The following TFAP2E variants were observed in gnomAD, a reference collection of about 807,000 sequenced individuals.
TFAP2E encodes transcription factor AP-2-epsilon.
TFAP2E carries 30 observed loss-of-function variants against 37.9 expected under a neutral mutation model. The ratio of observed to expected loss-of-function variants is 0.79; its 90% confidence interval spans 0.59 to 1.07. TFAP2E has a LOEUF of 1.07. Among genes scored for constraint, TFAP2E ranks in the 50% least tolerant of loss-of-function variants. TFAP2E has a pLI of 0.00. For missense variants in TFAP2E, 567 were observed against 637.9 expected (o/e 0.89, Z 1.20); for synonymous variants, 318 against 295.8 (o/e 1.08, Z -0.77).
At position 35,573,975 on chromosome 1, in the gene TFAP2E, T is replaced by C; in HGVS notation, c.76T>C (p.Ser26Pro). Residue 26 changes from serine (S) to proline (P), a missense_variant, in exon 2 of 7, where the codon TCT becomes CCT. Coordinates refer to ENST00000373235, the MANE Select transcript of TFAP2E (RefSeq NM_178548.4). The surrounding 1 kb of genome is among the most constrained non-coding windows in gnomAD (Gnocchi z 5.9). ...AGCTGCCGGCGGGGCCCGCCTGTCG[T>C]CTCTGCCCCAGGCGGCCTACGGGCC... ...GAAAGGARLSSLPQAAYGPAP... is the reference protein window; with the variant it reads ...GAAAGGARLSPLPQAAYGPAP... The C allele has an allele frequency of 6.7e-7, 1 of 1,484,516 alleles. No individual in the cohort carries two copies. The highest frequency in any genetic ancestry group is 8.9e-7 in the Non-Finnish European group (1 of 1,129,480). 92.0% of individuals were successfully genotyped at this position (1,484,516 alleles called of 1,614,324 possible). A position where few individuals can be genotyped will look rare whatever the true frequency, so the allele number is the denominator to read the frequency against.
At chr1:35,583,854 G>A (rs1232284631) in intron 3 of TFAP2E, among the ~76,000 whole-genome samples, 1 of 152,102 alleles carries the variant, frequency 6.6e-6, no homozygotes, top group Non-Finnish European at 1.5e-5. Flanking sequence ...CCATTTTCAA[G>A]GGAAGAAGCT....
Position 35,573,493 on chromosome 1 carries a change from G to GA in TFAP2E, c.-85_-84insA. On this transcript the variant is annotated 5_prime_UTR_variant, in exon 1 of 7. Transcript: ENST00000373235. This position sits in a 1 kb window ranked among gnomAD's most constrained non-coding sequence, Gnocchi z 5.9. Reference sequence around the variant, plus strand: ...CACCGTGACCTCCGCGGGCTGTGCCGGCTCCCGGCGCCTCTGCCCGCAGCG... The same window carrying GA: ...CACCGTGACCTCCGCGGGCTGTGCCGAGCTCCCGGCGCCTCTGCCCGCAGCG... 1.4e-6 allele frequency: 2 copies of GA among 1,394,352 alleles called. No homozygotes were observed. The highest frequency in any genetic ancestry group is 1.5e-5 in the African/African-American group (1 of 65,294). The allele number at this position is 1,394,352 out of a possible 1,614,324, so 86.4% of individuals were successfully genotyped here. A position where few individuals can be genotyped will look rare whatever the true frequency, so the allele number is the denominator to read the frequency against.
chr1:35,585,061 G>A (rs754608198), intron 3 of TFAP2E, among the ~76,000 whole-genome samples: 10 of 152,190 alleles, frequency 6.6e-5, no homozygotes, highest in Non-Finnish European at 1.2e-4. Context: ...GGATGGGGGT[G>A]AGAGGGAGCT....
At chr1:35,583,958 C>T (rs913634466) in intron 3 of TFAP2E, among the ~76,000 whole-genome samples, 2 of 152,168 alleles carry the variant, frequency 1.3e-5, no homozygotes, top group Admixed American at 1.3e-4. Flanking sequence ...TTATATCTAG[C>T]AGCACCTATG....
chr1:35,588,739 A>G lies in TFAP2E; in HGVS notation c.785+187A>G, dbSNP rs1282399483. Among the ~76,000 whole-genome samples, 1 of 152,102 alleles carries G rather than the reference A, an allele frequency of 6.6e-6. No homozygotes were observed. The highest frequency in any genetic ancestry group is 2.4e-5 in the African/African-American group (1 of 41,420). Reference sequence around the variant, plus strand: ...GGCCCAGGTCCCTGGTGGCTGCCACATGTCTGTGGGTCTGGGGTAGGGAGG... The same window carrying G: ...GGCCCAGGTCCCTGGTGGCTGCCACGTGTCTGTGGGTCTGGGGTAGGGAGG... On this transcript the variant is annotated intron_variant, in intron 4 of 6. Transcript: ENST00000373235. The surrounding 1 kb of genome is among the most constrained non-coding windows in gnomAD (Gnocchi z 5.1).
Position 35,573,766 on chromosome 1 carries a change from G to C in TFAP2E, c.28-161G>C, listed in dbSNP as rs1571094150. On this transcript the variant is annotated intron_variant, in intron 1 of 6. Coordinates refer to ENST00000373235, the MANE Select transcript of TFAP2E (RefSeq NM_178548.4). This position sits in a 1 kb window ranked among gnomAD's most constrained non-coding sequence, Gnocchi z 5.9. ...GATGCGCAAGTGACCGCTGTCCCCA[G>C]CCTGAGGCTCCTGCGCCCGCGGGTG... 7.3e-7 allele frequency: 1 copy of C among 1,378,232 alleles called. No homozygotes were observed. The highest frequency in any genetic ancestry group is 9.5e-7 in the Non-Finnish European group (1 of 1,054,974). 85.4% of individuals were successfully genotyped at this position (1,378,232 alleles called of 1,614,324 possible). A position where few individuals can be genotyped will look rare whatever the true frequency, so the allele number is the denominator to read the frequency against.
chr1:35,593,231 C>G (rs1649739152), intron 6 of TFAP2E, among the ~76,000 whole-genome samples: 1 of 152,082 alleles, frequency 6.6e-6, no homozygotes, highest in South Asian at 2.1e-4. Context: ...GTCCCAGCTA[C>G]TCGGGAGGCT....
intron 3 of TFAP2E, among the ~76,000 whole-genome samples, chr1:35,580,274 C>T (rs1166518132): frequency 6.6e-6 from 1 of 152,080 alleles, no homozygotes; most frequent in African/African-American, 2.4e-5. Flanking sequence ...CGGCAGGTCC[C>T]AGCAGGGGAG....
intron 6 of TFAP2E, among the ~76,000 whole-genome samples, chr1:35,593,836 C>T (rs751919431): frequency 2.0e-5 from 3 of 152,316 alleles, no homozygotes; most frequent in African/African-American, 7.2e-5. Context: ...AATCCCAGCT[C>T]GGTCACCTTG....
chr1:35,595,391 C>G (rs1468491237), downstream of TFAP2E: 1 of 150,562 alleles, frequency 6.6e-6, no homozygotes, highest in Non-Finnish European at 1.5e-5. Flanking sequence ...TCTGGCCATA[C>G]ACTGATATGT....
intron 3 of TFAP2E, among the ~76,000 whole-genome samples, chr1:35,585,807 G>A (rs1321687063): frequency 6.6e-6 from 1 of 152,182 alleles, no homozygotes; most frequent in African/African-American, 2.4e-5. Context: ...CACTTTGGGA[G>A]GCCAAGGCAG....
In TFAP2E at chr1:35,594,879, C is replaced by A; in HGVS notation, c.*203C>A. 2.9e-6 allele frequency: 2 copies of A among 689,922 alleles called. No homozygotes were observed. The highest frequency in any genetic ancestry group is 4.7e-6 in the Non-Finnish European group (2 of 421,864). The allele number at this position is 689,922 out of a possible 1,614,324, so 42.7% of individuals were successfully genotyped here. A position where few individuals can be genotyped will look rare whatever the true frequency, so the allele number is the denominator to read the frequency against. On this transcript the variant is annotated 3_prime_UTR_variant, in exon 7 of 7. Coordinates refer to ENST00000373235, the MANE Select transcript of TFAP2E (RefSeq NM_178548.4). ...TGGTGGTGTGTTGGTAAGTTAAGGG[C>A]CCAGGTATTTGTCTCATGTGTGCAA... is the stretch of plus-strand genomic sequence containing the variant.
chr1:35,589,161 G>A (rs1035158573), intron 4 of TFAP2E, among the ~76,000 whole-genome samples: 1 of 150,996 alleles, frequency 6.6e-6, no homozygotes, highest in Admixed American at 6.6e-5. Flanking sequence ...CTTCTAGTGG[G>A]ATGTGTGGCC....
chr1:35,589,295 G>A (rs1649584612), intron 4 of TFAP2E, among the ~76,000 whole-genome samples: 1 of 146,172 alleles, frequency 6.8e-6, no homozygotes, highest in African/African-American at 2.5e-5. Context: ...CCACTGTGTG[G>A]GAGTGGCATG....
In TFAP2E at chr1:35,583,603, A is replaced by AGTGTGTGTGT. The variant is rs201106841; in HGVS notation, c.563-4697_563-4688dup. On this transcript the variant is annotated intron_variant, in intron 3 of 6. Transcript: ENST00000373235. Reference sequence around the variant, plus strand: ...AACCGGGAGCTCTTGTGTCTGCAGGAGTGTGTGTGTGTGTGTGTGTGTGTG... The same window carrying AGTGTGTGTGT: ...AACCGGGAGCTCTTGTGTCTGCAGGAGTGTGTGTGTGTGTGTGTGTGTGTGTGTGTGTGTG... Among the ~76,000 whole-genome samples, 554 of 138,000 alleles carry AGTGTGTGTGT rather than the reference A, an allele frequency of 4.0e-3. 9 individuals carry two copies. The highest frequency in any genetic ancestry group is 0.012 in the African/African-American group (458 of 37,860). The allele number at this position is 138,000 out of a possible 152,430, so 90.5% of individuals were successfully genotyped here. A position where few individuals can be genotyped will look rare whatever the true frequency, so the allele number is the denominator to read the frequency against.
intron 3 of TFAP2E, among the ~76,000 whole-genome samples, chr1:35,585,225 T>C (rs1331775863): frequency 6.6e-6 from 1 of 152,212 alleles, no homozygotes; most frequent in Non-Finnish European, 1.5e-5. Flanking sequence ...ACTTGTTCCA[T>C]TTGGCCTGTG....
At chr1:35,582,778 G>A (rs2148549248) in intron 3 of TFAP2E, among the ~76,000 whole-genome samples, 1 of 152,050 alleles carries the variant, frequency 6.6e-6, no homozygotes, top group African/African-American at 2.4e-5. Context: ...CCCTGCCTGA[G>A]CCTCTCGAGT....
chr1:35,588,325 C>T lies in TFAP2E; in HGVS notation c.563-5C>T, dbSNP rs1301295196. 1 of 1,607,532 alleles carries T rather than the reference C, an allele frequency of 6.2e-7. No individual in the cohort carries two copies. Among genetic ancestry groups the T allele is most frequent in the Admixed American group, 1.7e-5 (1 of 59,798 alleles). Reference sequence around the variant, plus strand: ...ACTGGCTCAGCGTTTCCCTCTTCTCCACAGTGCCCATCCCCTCCAAAGCCA... The same window carrying T: ...ACTGGCTCAGCGTTTCCCTCTTCTCTACAGTGCCCATCCCCTCCAAAGCCA... On this transcript the variant is annotated splice_polypyrimidine_tract_variant and splice_region_variant and intron_variant, in intron 3 of 6. Transcript: ENST00000373235. This position sits in a 1 kb window ranked among gnomAD's most constrained non-coding sequence, Gnocchi z 5.1.
In TFAP2E at chr1:35,590,850, A is replaced by G; in HGVS notation, c.1046+75A>G. 1 of 1,312,454 alleles carries G rather than the reference A, an allele frequency of 7.6e-7. No individual in the cohort carries two copies. The highest frequency in any genetic ancestry group is 9.8e-7 in the Non-Finnish European group (1 of 1,015,760). 81.3% of individuals were successfully genotyped at this position (1,312,454 alleles called of 1,614,324 possible). On this transcript the variant is annotated intron_variant, in intron 6 of 6. Transcript: ENST00000373235. The surrounding 1 kb of genome is among the most constrained non-coding windows in gnomAD (Gnocchi z 6.2). ...GACATCATGTATGGGCACAATGGAC[A>G]CCACTGTGTACATGAGCAGTGGGCA...
Sources: gnomAD v4.1 joint callset for allele counts (sites outside exome capture counted in the v4.1 genomes callset) on GRCh38, gnomAD v4.1.1 for gene constraint, Gnocchi (gnomAD v3.1) non-coding constraint, MANE v1.5 for transcripts, NCBI Gene and HGNC (gene_info 2026-07-23, HGNC 2026-07-21) for gene names.